The following STK33 variants were observed in gnomAD, a reference collection of about 807,000 sequenced individuals.
The protein encoded by STK33 is serine/threonine-protein kinase 33.
A neutral mutation model predicts 58.0 loss-of-function variants in STK33; 52 were observed. The ratio of observed to expected loss-of-function variants is 0.90; its 90% CI spans 0.72 to 1.13. STK33 has a LOEUF of 1.13. Ranked by LOEUF, STK33 falls within the 50% of genes most tolerant of loss-of-function variation. The pLI, the probability that STK33 is intolerant of heterozygous loss-of-function variation, is 0.00. For synonymous variants in STK33, 215 were observed against 200.1 expected, an observed-to-expected ratio of 1.07 and a Z score of -0.63; for missense variants, 630 against 604.2, an observed-to-expected ratio of 1.04 and a Z score of -0.45.
chr11:8,351,832 C>T, the STK33 span, among the ~76,000 whole-genome samples: 2 of 152,230 alleles, frequency 1.3e-5, no homozygotes, highest in Non-Finnish European at 2.9e-5. Context: ...ACGAGCTCCT[C>T]CATCCCCTTG....
chr11:8,488,089 T>C (rs1950314180), intron 1 of STK33, among the ~76,000 whole-genome samples: 1 of 152,202 alleles, frequency 6.6e-6, no homozygotes, highest in African/African-American at 2.4e-5. Context: ...TCCCAAGAAC[T>C]GTCATTATTT....
intron 1 of STK33, among the ~76,000 whole-genome samples, chr11:8,562,912 T>C (rs1957210452): frequency 6.6e-6 from 1 of 152,148 alleles, no homozygotes. Context: ...ATTACTATTT[T>C]TAAAAATCAC....
chr11:8,539,254 C>T (rs1487801540), intron 1 of STK33, among the ~76,000 whole-genome samples: 4 of 152,108 alleles, frequency 2.6e-5, no homozygotes, highest in Admixed American at 2.0e-4. Flanking sequence ...TCACCTAGCC[C>T]ATTATCATAG....
intron 1 of STK33, among the ~76,000 whole-genome samples, chr11:8,570,293 G>C (rs975966105): frequency 5.3e-5 from 8 of 152,178 alleles, no homozygotes; most frequent in Admixed American, 2.0e-4. Context: ...TAAGGTTCTT[G>C]CAACAAGAAC....
intron 14 of STK33, among the ~76,000 whole-genome samples, chr11:8,415,240 T>G (rs1231873942): frequency 6.6e-6 from 1 of 152,074 alleles, no homozygotes; most frequent in Admixed American, 6.6e-5. Flanking sequence ...CAATACCAGT[T>G]CTCAGTGGCT....
intron 1 of STK33, among the ~76,000 whole-genome samples, chr11:8,481,036 CGA>C (rs912986605): frequency 8.6e-5 from 13 of 151,978 alleles, no homozygotes; most frequent in African/African-American, 2.2e-4. Context: ...TCAAGAGTAC[CGA>C]GAGAGAGGAG....
chr11:8,417,561 G>A (rs1941306712), intron 14 of STK33, among the ~76,000 whole-genome samples: 1 of 152,026 alleles, frequency 6.6e-6, no homozygotes, highest in Admixed American at 6.6e-5. Flanking sequence ...AGTCCAAATC[G>A]GCGAAGCTAA....
At chr11:8,451,378 C>T (rs151143699) in intron 11 of STK33, among the ~76,000 whole-genome samples, 10 of 152,248 alleles carry the variant, frequency 6.6e-5, no homozygotes, top group South Asian at 4.2e-4. Flanking sequence ...GGTATATCCA[C>T]GCAATGGACA....
the STK33 span, among the ~76,000 whole-genome samples, chr11:8,378,159 A>AG: frequency 1.3e-5 from 2 of 152,226 alleles, no homozygotes; most frequent in Admixed American, 6.5e-5. Flanking sequence ...TCATGATGGA[A>AG]GGAGAAGCAA....
chr11:8,466,527 A>C (rs974546676), intron 6 of STK33: 1 of 152,204 alleles, frequency 6.6e-6, no homozygotes, highest in African/African-American at 2.4e-5. Flanking sequence ...AGGTTCCCAT[A>C]GTCTTGGGCA....
intron 15 of STK33, among the ~76,000 whole-genome samples, chr11:8,411,751 G>A (rs1463516187): frequency 6.6e-6 from 1 of 152,178 alleles, no homozygotes; most frequent in East Asian, 1.9e-4. Flanking sequence ...CATTGCTGGT[G>A]AACTCTGACT....
intron 1 of STK33, among the ~76,000 whole-genome samples, chr11:8,536,033 G>A (rs1419035853): frequency 1.3e-5 from 2 of 152,208 alleles, no homozygotes. Context: ...TCACTTACAT[G>A]TGGGGGCTAA....
the STK33 span, among the ~76,000 whole-genome samples, chr11:8,368,490 C>T: frequency 9.2e-5 from 14 of 152,248 alleles, no homozygotes; most frequent in Non-Finnish European, 2.1e-4. Flanking sequence ...CCCAACAGCG[C>T]CAGAATGCCC....
chr11:8,422,183 T>C (rs962318278), intron 14 of STK33, among the ~76,000 whole-genome samples: 2 of 152,138 alleles, frequency 1.3e-5, no homozygotes, highest in Non-Finnish European at 2.9e-5. Flanking sequence ...CATGAATACA[T>C]GTTGAGTCTT....
intron 1 of STK33, among the ~76,000 whole-genome samples, chr11:8,545,729 A>C (rs1261060147): frequency 6.6e-6 from 1 of 152,222 alleles, no homozygotes; most frequent in African/African-American, 2.4e-5. Flanking sequence ...GCCTAGAAAT[A>C]ACTTCAAAAC....
intron 1 of STK33, among the ~76,000 whole-genome samples, chr11:8,497,895 G>C (rs1951184587): frequency 6.6e-6 from 1 of 152,124 alleles, no homozygotes; most frequent in Non-Finnish European, 1.5e-5. Context: ...ACCAGTCAAA[G>C]ACATCTCACA....
intron 1 of STK33, among the ~76,000 whole-genome samples, chr11:8,507,572 G>GC (rs1951958803): frequency 6.6e-6 from 1 of 152,098 alleles, no homozygotes; most frequent in African/African-American, 2.4e-5. Flanking sequence ...GAAATATAGA[G>GC]CATGTCTATG....
chr11:8,347,487 G>C, the STK33 span, among the ~76,000 whole-genome samples: 5 of 152,224 alleles, frequency 3.3e-5, no homozygotes, highest in Non-Finnish European at 7.3e-5. Flanking sequence ...GTCAGTGGTG[G>C]GCTCTGTTCC....
intron 11 of STK33, among the ~76,000 whole-genome samples, chr11:8,448,729 A>C (rs1298281486): frequency 1.3e-5 from 2 of 152,174 alleles, no homozygotes; most frequent in East Asian, 3.8e-4. Flanking sequence ...ATGGGCAAGG[A>C]CTTCATGTCT....
Sources: allele counts gnomAD v4.1 joint callset (sites outside exome capture counted in the v4.1 genomes callset), GRCh38; gene constraint gnomAD v4.1.1; transcripts MANE v1.5; gene names NCBI Gene and HGNC (gene_info 2026-07-23, HGNC 2026-07-21).